LACTBL1: variants seen among roughly 807,000 people sequenced by gnomAD.
The protein encoded by LACTBL1 is beta-lactamase-like protein 1.
Under a neutral mutation model 39.6 loss-of-function variants are expected in LACTBL1, and 29 were observed. The ratio of observed to expected loss-of-function variants is 0.73; its 90% CI spans 0.55 to 1.00. The LOEUF (loss-of-function observed/expected upper bound fraction) is 1.00. Among genes scored for constraint, LACTBL1 ranks in the 50% least tolerant of loss-of-function variants. The pLI is 0.00. For missense variants in LACTBL1, 711 were observed against 748.5 expected, an observed-to-expected ratio of 0.95 and a Z score of 0.59; for synonymous variants, 361 against 360.7, an observed-to-expected ratio of 1.00 and a Z score of -0.01.
chr1:22,954,198 A>G lies in LACTBL1; in HGVS notation c.660-174T>C, dbSNP rs764738338. Among the ~76,000 whole-genome samples the G allele has an allele frequency of 3.3e-5, 5 of 152,188 alleles. 1 individual carries two copies. Among genetic ancestry groups the G allele is most frequent in the Non-Finnish European group, 5.9e-5 (4 of 68,030 alleles). ...AGCACTGACTCTGACTCTCTTCTAC[A>G]TCTGGGAAGACCAAGGCCCAGAGAG... On this transcript the variant is annotated intron_variant, in intron 5 of 5. Coordinates refer to ENST00000426928, the Ensembl canonical transcript of LACTBL1.
At chr1:22,955,391 A>G in exon 5 of LACTBL1, 1 of 1,550,340 alleles carries the variant, frequency 6.5e-7, no homozygotes, top group Non-Finnish European at 8.7e-7. Flanking sequence ...CTGCCCTTCC[A>G]CAGCAGTGAA....
chr1:22,963,415 A>G lies in LACTBL1; in HGVS notation c.50-199T>C, dbSNP rs370060055. 1.3e-3 allele frequency among the ~76,000 whole-genome samples: 198 copies of G among 152,308 alleles called. 2 individuals are homozygous for G. Among genetic ancestry groups the G allele is most frequent in the African/African-American group, 4.6e-3 (190 of 41,570 alleles). ...AAGTGTGCCCTTGGGGAGGAGGCAC[A>G]GCCCTGCAGGCCACAGCTCCTGGTT... On this transcript the variant is annotated intron_variant, in intron 1 of 5. Transcript: ENST00000426928.
intron 1 of LACTBL1, among the ~76,000 whole-genome samples, chr1:22,963,588 C>T (rs1223031931): frequency 6.6e-6 from 1 of 152,182 alleles, no homozygotes; most frequent in Admixed American, 6.5e-5. Flanking sequence ...TTTGGGTGGA[C>T]TTCGAGCCCC....
At chr1:22,953,526 C>T (rs1254145656) in exon 6 of LACTBL1, 2 of 1,237,236 alleles carry the variant, frequency 1.6e-6, no homozygotes, top group Non-Finnish European at 1.0e-6. Context: ...GCCCTGCCAG[C>T]AGCAGCACCA....
the LACTBL1 span, among the ~76,000 whole-genome samples, chr1:22,971,152 A>G: frequency 3.9e-5 from 6 of 152,286 alleles, no homozygotes; most frequent in South Asian, 1.2e-3. Flanking sequence ...AGAGGCATTA[A>G]TTGACTTGCT....
At chr1:22,960,574 G>A (rs372760321) in intron 2 of LACTBL1, among the ~76,000 whole-genome samples, 8 of 125,328 alleles carry the variant, frequency 6.4e-5, no homozygotes, top group South Asian at 5.2e-4. Context: ...CCAAGATCTC[G>A]CCACTGTACT....
chr1:22,960,764 G>A (rs185474407), intron 2 of LACTBL1, among the ~76,000 whole-genome samples: 5 of 151,656 alleles, frequency 3.3e-5, no homozygotes, highest in African/African-American at 9.7e-5. Flanking sequence ...CTCTTTGCAC[G>A]TTTGTTTGGT....
At chr1:22,960,697 G>A (rs2124232428) in intron 2 of LACTBL1, among the ~76,000 whole-genome samples, 1 of 150,480 alleles carries the variant, frequency 6.6e-6, no homozygotes, top group South Asian at 2.1e-4. Context: ...CCTCCAATAG[G>A]CCTAGCCTGA....
At chr1:22,953,771 G>A in exon 6 of LACTBL1, 2 of 1,494,862 alleles carry the variant, frequency 1.3e-6, no homozygotes, top group African/African-American at 1.4e-5. Flanking sequence ...AGCTTGGCCA[G>A]GTCGGCGGCG....
chr1:22,968,897 A>T (rs1640910834), upstream of LACTBL1, among the ~76,000 whole-genome samples: 1 of 152,164 alleles, frequency 6.6e-6, no homozygotes, highest in Non-Finnish European at 1.5e-5. Flanking sequence ...GATTGTTTTG[A>T]GACAGTCTCA....
exon 2 of LACTBL1, chr1:22,963,166 G>A (rs748038644): frequency 1.7e-5 from 23 of 1,327,690 alleles, no homozygotes; most frequent in Non-Finnish European, 2.2e-5. Flanking sequence ...GGCTCAGGGT[G>A]CCGGGGACAC....
rs548039622 is a variant in LACTBL1, at chr1:22,961,291, A to T, written c.160-1192T>A. On this transcript the variant is annotated intron_variant, in intron 2 of 5. Coordinates refer to ENST00000426928, the Ensembl canonical transcript of LACTBL1. ...CTATGAGATATGAGGTGACTTGCCC[A>T]AGTGGCTACTGGCTGATGGAATCAA... 6.6e-5 allele frequency among the ~76,000 whole-genome samples: 10 copies of T among 152,284 alleles called. No homozygotes were observed. In the East Asian group the frequency reaches 1.9e-3, roughly 29 times the overall value.
In LACTBL1 at chr1:22,953,411, T is replaced by TGGGCGGC. The variant is rs1410751798; in HGVS notation, c.1266_1272dup (p.Thr425AlafsTer?). 17 of 1,227,546 alleles carry TGGGCGGC rather than the reference T, an allele frequency of 1.4e-5. No individual in the cohort carries two copies. Among genetic ancestry groups the TGGGCGGC allele is most frequent in the Non-Finnish European group, 1.7e-5 (17 of 985,446 alleles). The allele number at this position is 1,227,546 out of a possible 1,614,324, so 76.0% of individuals were successfully genotyped here. On this transcript the variant is annotated frameshift_variant, in exon 6 of 6. Coordinates refer to ENST00000426928, the Ensembl canonical transcript of LACTBL1. LOFTEE classifies it high-confidence loss of function. ...AAGTAGCCGGCGAAGGGGTGCGCGG[T>TGGGCGGC]GGGCGGCGGAGCCGGGCCGGGCTCG...
At chr1:22,968,277 G>A (rs117487934), upstream of LACTBL1, among the ~76,000 whole-genome samples, 39 of 152,254 alleles carry the variant, frequency 2.6e-4, no homozygotes, top group East Asian at 7.1e-3. Context: ...CCTTAAAAAC[G>A]TGACTATTTC....
chr1:22,955,457 G>A (rs1640752192), intron 4 of LACTBL1, 31 bp from the exon 7 acceptor site: 1 of 1,476,722 alleles, frequency 6.8e-7, no homozygotes, highest in East Asian at 2.5e-5. Context: ...GACTTACCGG[G>A]CCCGGCTGAG....
chr1:22,959,921 C>T lies in LACTBL1; in HGVS notation c.317+21G>A, dbSNP rs1422439374. 2.6e-6 allele frequency: 4 copies of T among 1,551,096 alleles called. No individual in the cohort carries two copies. The South Asian group carries it at 4.8e-5, about 18-fold the overall frequency. On this transcript the variant is annotated intron_variant, in intron 3 of 5. Coordinates refer to ENST00000426928, the Ensembl canonical transcript of LACTBL1. Reference sequence around the variant, plus strand: ...CCCATCCCTTACCCCTCCACAGGACCCTAGAGATCACCCAGCTGACCTGTA... The same window carrying T: ...CCCATCCCTTACCCCTCCACAGGACTCTAGAGATCACCCAGCTGACCTGTA...
At chr1:22,969,204 T>C (rs1433447762), upstream of LACTBL1, among the ~76,000 whole-genome samples, 1 of 152,228 alleles carries the variant, frequency 6.6e-6, no homozygotes, top group Non-Finnish European at 1.5e-5. Context: ...GAAATCTTTC[T>C]TTTCACAGAG....
At chr1:22,963,945 G>T (rs1425522291) in intron 1 of LACTBL1, among the ~76,000 whole-genome samples, 2 of 152,132 alleles carry the variant, frequency 1.3e-5, no homozygotes, top group Admixed American at 6.5e-5. Context: ...TCTTGAGACA[G>T]AGTCTCACCC....
At chr1:22,957,029 T>C (rs534094270) in intron 4 of LACTBL1, among the ~76,000 whole-genome samples, 1 of 152,076 alleles carries the variant, frequency 6.6e-6, no homozygotes, top group African/African-American at 2.4e-5. Flanking sequence ...TACATACTTG[T>C]GTTATATAAT....
Sources: allele counts gnomAD v4.1 joint callset (sites outside exome capture counted in the v4.1 genomes callset), GRCh38; gene constraint gnomAD v4.1.1; transcripts MANE v1.5; gene names NCBI Gene and HGNC (gene_info 2026-07-23, HGNC 2026-07-21).